The following ORC2 variants were observed in gnomAD, a reference collection of about 807,000 sequenced individuals.
ORC2 encodes the protein origin recognition complex protein 2 homolog.
ORC2 carries 37 observed loss-of-function variants against 77.7 expected under a neutral mutation model. The ratio of observed to expected loss-of-function variants is 0.48; its 90% CI spans 0.37 to 0.63. The LOEUF (loss-of-function observed/expected upper bound fraction) is 0.63, where lower values mean the gene tolerates loss of function less well. Among genes scored for constraint, ORC2 ranks in the 20% least tolerant of loss-of-function variants. The pLI, the probability that ORC2 is intolerant of heterozygous loss-of-function variation, is 0.00. For missense variants in ORC2, 557 were observed against 661.9 expected, an observed-to-expected ratio of 0.84 and a Z score of 1.74; for synonymous variants, 201 against 229.5, an observed-to-expected ratio of 0.88 and a Z score of 1.12.
chr2:200,962,421 G>A (rs1212442003), intron 1 of ORC2, among the ~76,000 whole-genome samples: 1 of 152,168 alleles, frequency 6.6e-6, no homozygotes, highest in East Asian at 1.9e-4. Flanking sequence ...GAAAAAGAAG[G>A]TTGGATAGAT....
At chr2:200,914,986 T>C (rs1253843702) in intron 15 of ORC2, among the ~76,000 whole-genome samples, 1 of 151,610 alleles carries the variant, frequency 6.6e-6, no homozygotes, top group African/African-American at 2.4e-5. Flanking sequence ...TTCTTCACTT[T>C]TTGATTCTTC....
rs756333496 is a variant in ORC2 at position 200,937,988 on chromosome 2, A to G, written c.454-22T>C. On this transcript the variant is annotated intron_variant, in intron 7 of 17. Transcript: ENST00000234296. ...TGTTCTGTTTAGAAATAGAAAAAGC[A>G]TTAAATAATAACATGGAAATTAATG... The G allele has an allele frequency of 1.1e-5, 16 of 1,516,236 alleles. No homozygotes were observed. The South Asian group carries it at 1.4e-4, about 13-fold the overall frequency. 93.9% of individuals were successfully genotyped at this position (1,516,236 alleles called of 1,614,324 possible).
rs1284572660 is a variant in ORC2, at chr2:200,949,620, T to C, written c.262A>G (p.Thr88Ala). The C allele has an allele frequency of 2.5e-6, 4 of 1,597,832 alleles. No homozygotes were observed. The highest frequency in any genetic ancestry group is 1.7e-4 in the Middle Eastern group (1 of 6,020). The change falls in exon 5 of 18, where the codon ACA (threonine) becomes GCA (alanine). Residue 88 changes from threonine (T) to alanine (A), a missense_variant. Transcript: ENST00000234296. ...VQESLKNGSA[T>A]GGGNKVYSFQ... is the part of the protein sequence containing the mutation. The stretch of plus-strand genomic sequence containing the variant: ...GAATAAACTTTATTTCCACCACCTG[T>C]AGCAGAGCCATTTTTCAATGATTCT...
intron 5 of ORC2, among the ~76,000 whole-genome samples, chr2:200,943,800 G>T (rs1575174816): frequency 7.1e-6 from 1 of 140,284 alleles, no homozygotes; most frequent in Non-Finnish European, 1.6e-5. Flanking sequence ...GATTCACTAA[G>T]TTTTTTTTTT....
chr2:200,948,060 C>T (rs918093359), intron 5 of ORC2, among the ~76,000 whole-genome samples: 1 of 152,044 alleles, frequency 6.6e-6, no homozygotes, highest in Non-Finnish European at 1.5e-5. Flanking sequence ...AGTCGCCCGC[C>T]ACCACGCCTG....
Position 200,957,456 on chromosome 2 carries a change from G to A in ORC2, c.183C>T (p.Asp61=), listed in dbSNP as rs376777694. Residue 61 remains aspartate (D), a synonymous_variant, in exon 4 of 18, where the codon GAC becomes GAT. Coordinates refer to ENST00000234296, the MANE Select transcript of ORC2 (RefSeq NM_006190.5). Reference sequence around the variant, plus strand: ...AGTTCTGATCTTTTAAGACCTCCTGGTCATCTTCCTCCAAATCATATTCTG... The same window carrying A: ...AGTTCTGATCTTTTAAGACCTCCTGATCATCTTCCTCCAAATCATATTCTG... ...KKPEYDLEED[D]QEVLKDQNYV... 2.5e-6 allele frequency: 4 copies of A among 1,610,104 alleles called. No homozygotes were observed. The African/African-American group carries it at 5.4e-5, about 22-fold the overall frequency.
intron 15 of ORC2, among the ~76,000 whole-genome samples, chr2:200,919,345 A>T (rs577628597): frequency 2.0e-5 from 3 of 152,200 alleles, no homozygotes; most frequent in African/African-American, 7.2e-5. Flanking sequence ...TTCTTTCAAC[A>T]GGCTAATTAT....
intron 16 of ORC2, 107 bp from the exon 17 acceptor site, chr2:200,913,520 C>A (rs370656830): frequency 7.1e-7 from 1 of 1,405,700 alleles, no homozygotes; most frequent in African/African-American, 1.4e-5. Context: ...GCATGTTATC[C>A]CAGAGCAGTG....
chr2:200,941,495 T>TAA (rs762042280), intron 6 of ORC2, among the ~76,000 whole-genome samples: 3 of 105,066 alleles, frequency 2.9e-5, no homozygotes, highest in East Asian at 5.5e-4. Flanking sequence ...AATTAAAAAT[T>TAA]AAAAAAAAAA....
At chr2:200,948,719 C>T (rs999828606) in intron 5 of ORC2, among the ~76,000 whole-genome samples, 1 of 151,870 alleles carries the variant, frequency 6.6e-6, no homozygotes, top group Non-Finnish European at 1.5e-5. Context: ...CGTGCCACCA[C>T]GCCTGGCTCA....
intron 13 of ORC2, chr2:200,921,762 G>C (rs558436308): frequency 6.6e-6 from 1 of 152,150 alleles, no homozygotes; most frequent in Non-Finnish European, 1.5e-5. Flanking sequence ...TCAGCCTCCC[G>C]AGTAGCTGGG....
chr2:200,954,018 ATTTC>A (rs147074111), intron 4 of ORC2, among the ~76,000 whole-genome samples: 44 of 148,252 alleles, frequency 3.0e-4, no homozygotes, highest in Admixed American at 7.4e-4. Flanking sequence ...GGGATTTGGG[ATTTC>A]TTTCTTTCTT....
chr2:200,958,214 A>T lies in ORC2; in HGVS notation c.-10-81T>A, dbSNP rs2041508153. 12 of 764,058 alleles carry T rather than the reference A, an allele frequency of 1.6e-5. No individual in the cohort carries two copies. In the South Asian group the frequency reaches 1.9e-4, roughly 12 times the overall value. The allele number at this position is 764,058 out of a possible 1,614,324, so 47.3% of individuals were successfully genotyped here. ...AATTAAACATTCACATAATGAATAC[A>T]TGTCTTTATCTAATATTTTTAAAGT... On this transcript the variant is annotated intron_variant, in intron 2 of 17. Coordinates refer to ENST00000234296, the MANE Select transcript of ORC2 (RefSeq NM_006190.5).
At chr2:200,945,650 CATCTGT>C (rs1490788209) in intron 5 of ORC2, among the ~76,000 whole-genome samples, 1 of 151,978 alleles carries the variant, frequency 6.6e-6, no homozygotes, top group Non-Finnish European at 1.5e-5. Flanking sequence ...TCTATTAATT[CATCTGT>C]ATTGTATTTT....
rs554392557 is a variant in ORC2 at position 200,915,824 on chromosome 2, G to A, written c.1467-1832C>T. ...TTTTCATGCCTCAGACTCCTGAGTA[G>A]TTGCGATTACAGGTGGACACCACCA... On this transcript the variant is annotated intron_variant, in intron 15 of 17. Transcript: ENST00000234296. Among the ~76,000 whole-genome samples the A allele has an allele frequency of 3.3e-5, 5 of 152,178 alleles. No individual in the cohort carries two copies. In the East Asian group the frequency reaches 9.7e-4, roughly 29 times the overall value.
intron 11 of ORC2, among the ~76,000 whole-genome samples, chr2:200,927,346 A>AT (rs1559010087): frequency 6.6e-6 from 1 of 151,844 alleles, no homozygotes; most frequent in Non-Finnish European, 1.5e-5. Context: ...GGCCCCCAAA[A>AT]TTGCTGGGAC....
chr2:200,933,218 T>G lies in ORC2; in HGVS notation c.807+658A>C, dbSNP rs570412451. Among the ~76,000 whole-genome samples the G allele has an allele frequency of 8.0e-4, 121 of 151,884 alleles. 1 individual carries two copies. The highest frequency in any genetic ancestry group is 2.8e-3 in the African/African-American group (117 of 41,386). On this transcript the variant is annotated intron_variant, in intron 10 of 17. Coordinates refer to ENST00000234296, the MANE Select transcript of ORC2 (RefSeq NM_006190.5). The stretch of plus-strand genomic sequence containing the variant: ...GATGTAAAACCCCAGCAAGTATAAC[T>G]GTATGGTATTTTTTTTTTTTTTTTT...
At chr2:200,917,912 AAAG>A (rs1454938185) in intron 15 of ORC2, among the ~76,000 whole-genome samples, 1 of 152,080 alleles carries the variant, frequency 6.6e-6, no homozygotes, top group Non-Finnish European at 1.5e-5. Context: ...TAAAAAAAAA[AAAG>A]ATATCCCCAA....
intron 5 of ORC2, among the ~76,000 whole-genome samples, chr2:200,948,065 C>G (rs563982782): frequency 6.7e-6 from 1 of 149,176 alleles, no homozygotes; most frequent in Non-Finnish European, 1.5e-5. Flanking sequence ...CCCGCCACCA[C>G]GCCTGGCTAA....
Sources: allele counts gnomAD v4.1 joint callset (sites outside exome capture counted in the v4.1 genomes callset), GRCh38; gene constraint gnomAD v4.1.1; transcripts MANE v1.5; gene names NCBI Gene and HGNC (gene_info 2026-07-23, HGNC 2026-07-21).